The following SLC14A2 variants were observed in gnomAD, a reference collection of about 807,000 sequenced individuals.
The protein encoded by SLC14A2 is solute carrier family 14 member 2, also known as urea transporter 2.
A neutral mutation model predicts 104.6 loss-of-function variants in SLC14A2; 91 were observed. The observed-to-expected ratio is 0.87, with a 90% confidence interval of 0.73 to 1.04. The LOEUF is 1.04. SLC14A2 is among the 50% of genes least tolerant of loss of function. The probability of loss-of-function intolerance (pLI) is 0.00; values close to 1 mark genes in which losing one functional copy is unlikely to be tolerated. For missense variants in SLC14A2, 1,189 were observed against 1,156.0 expected, an observed-to-expected ratio of 1.03 and a Z score of -0.41; for synonymous variants, 476 against 466.4, an observed-to-expected ratio of 1.02 and a Z score of -0.27.
At chr18:45,229,495 C>T (rs755097764) in intron 1 of SLC14A2, among the ~76,000 whole-genome samples, 1 of 152,106 alleles carries the variant, frequency 6.6e-6, no homozygotes, top group Non-Finnish European at 1.5e-5. Flanking sequence ...CAGGCGAGAG[C>T]TAAACAAGTT....
At chr18:45,385,670 T>C (rs1175558934) in intron 1 of SLC14A2, among the ~76,000 whole-genome samples, 3 of 152,176 alleles carry the variant, frequency 2.0e-5, no homozygotes, top group Non-Finnish European at 4.4e-5. Context: ...AGAACTGAGG[T>C]GTAAGTGACT....
At chr18:45,470,200 A>G (rs1007273093) in intron 1 of SLC14A2, among the ~76,000 whole-genome samples, 1 of 152,086 alleles carries the variant, frequency 6.6e-6, no homozygotes, top group South Asian at 2.1e-4. Context: ...TAAAGTTTCT[A>G]TCTTTGTGTC....
intron 1 of SLC14A2, among the ~76,000 whole-genome samples, chr18:45,240,649 TGTTTTTG>T (rs1375301439): frequency 0.017 from 2,558 of 149,374 alleles, 49 homozygotes; most frequent in African/African-American, 0.061. Flanking sequence ...TTGTTTTTTT[TGTTTTTG>T]TTTTTGGTTT....
rs187137134 is a variant in SLC14A2 at position 45,292,494 on chromosome 18, G to T, written c.-125+79303G>T. On this transcript the variant is annotated intron_variant, in intron 1 of 20. Coordinates refer to the SLC14A2 transcript ENST00000586448. ...CGGGAATATTTCAGTGGTATTAGTGGAGCCTTTTCATTTACATAATTTAGG... is the reference window on the plus strand; with the variant it reads ...CGGGAATATTTCAGTGGTATTAGTGTAGCCTTTTCATTTACATAATTTAGG... Among the ~76,000 whole-genome samples the T allele has an allele frequency of 2.6e-5, 4 of 152,250 alleles. No individual in the cohort carries two copies. In the East Asian group the frequency reaches 7.7e-4, roughly 29 times the overall value.
At chr18:45,550,836 A>G (rs1187222266) in intron 2 of SLC14A2, among the ~76,000 whole-genome samples, 1 of 152,192 alleles carries the variant, frequency 6.6e-6, no homozygotes, top group East Asian at 1.9e-4. Context: ...CAAGATCAAC[A>G]TAGTCCCAGT....
chr18:45,302,086 G>C (rs2084973923), intron 1 of SLC14A2, among the ~76,000 whole-genome samples: 3 of 152,188 alleles, frequency 2.0e-5, no homozygotes, highest in Admixed American at 6.5e-5. Context: ...ATCATCATCT[G>C]TGTTGAAGTC....
chr18:45,389,254 C>T (rs2085934435), intron 1 of SLC14A2, among the ~76,000 whole-genome samples: 1 of 152,182 alleles, frequency 6.6e-6, no homozygotes, highest in Admixed American at 6.5e-5. Context: ...GACAAGTTTG[C>T]GACTTGTTTT....
chr18:45,169,617 TATG>T, the SLC14A2 span, among the ~76,000 whole-genome samples: 1 of 152,178 alleles, frequency 6.6e-6, no homozygotes. Context: ...TATAATGAGA[TATG>T]ATGATATTCT....
intron 1 of SLC14A2, among the ~76,000 whole-genome samples, chr18:45,297,352 C>T (rs1333368125): frequency 2.0e-5 from 3 of 152,220 alleles, no homozygotes; most frequent in Non-Finnish European, 4.4e-5. Flanking sequence ...AATGACAGAG[C>T]TGGCATCAAA....
At chr18:45,187,927 A>G in the SLC14A2 span, among the ~76,000 whole-genome samples, 1 of 152,152 alleles carries the variant, frequency 6.6e-6, no homozygotes, top group Admixed American at 6.6e-5. Flanking sequence ...TAAACAGTCC[A>G]TGAAATAGTA....
chr18:45,341,595 C>CTTTTT (rs376534367), intron 1 of SLC14A2, among the ~76,000 whole-genome samples: 1 of 83,162 alleles, frequency 1.2e-5, no homozygotes, highest in Non-Finnish European at 2.3e-5. Flanking sequence ...TCTAGTATTA[C>CTTTTT]TTTTTTTTTT....
At chr18:45,508,354 G>T (rs1351010246) in intron 2 of SLC14A2, among the ~76,000 whole-genome samples, 10 of 152,190 alleles carry the variant, frequency 6.6e-5, no homozygotes, top group Non-Finnish European at 1.5e-4. Flanking sequence ...TAAATCATGA[G>T]AGCAGGTCTT....
At chr18:45,376,159 C>T (rs924596027) in intron 1 of SLC14A2, among the ~76,000 whole-genome samples, 2 of 152,140 alleles carry the variant, frequency 1.3e-5, no homozygotes, top group African/African-American at 4.8e-5. Flanking sequence ...CTGGAGTTAA[C>T]CTCACTTCTA....
In SLC14A2 at chr18:45,639,859, T is replaced by G; in HGVS notation, c.957T>G (p.His319Gln). ...LFISSPLICL[H>Q]AAIGSIVGLL... ...TCTCCTCGCCACTCATCTGCTTGCATGCAGCCATTGGCTCAATCGTGGGGC... is the reference window on the plus strand; with the variant it reads ...TCTCCTCGCCACTCATCTGCTTGCAGGCAGCCATTGGCTCAATCGTGGGGC... The change falls in exon 7 of 20, where the codon CAT becomes CAG. Residue 319 changes from histidine to glutamine, a missense_variant. Transcript: ENST00000255226. 1 of 1,613,840 alleles carries G rather than the reference T, an allele frequency of 6.2e-7. No homozygotes were observed. Among genetic ancestry groups the G allele is most frequent in the Non-Finnish European group, 8.5e-7 (1 of 1,180,008 alleles).
chr18:45,273,108 C>T (rs530128420), intron 1 of SLC14A2, among the ~76,000 whole-genome samples: 6 of 152,166 alleles, frequency 3.9e-5, no homozygotes, highest in Admixed American at 2.0e-4. Context: ...TCAGATGGAT[C>T]GAGGTGTCCC....
chr18:45,258,289 C>T (rs1599620312), intron 1 of SLC14A2, among the ~76,000 whole-genome samples: 2 of 142,176 alleles, frequency 1.4e-5, no homozygotes, highest in East Asian at 4.0e-4. Flanking sequence ...GGACATAGTG[C>T]CCAGGAGCCT....
intron 15 of SLC14A2, among the ~76,000 whole-genome samples, chr18:45,668,739 G>A (rs1354111888): frequency 1.3e-5 from 2 of 152,220 alleles, no homozygotes; most frequent in Non-Finnish European, 2.9e-5. Flanking sequence ...AGAGTGCAGA[G>A]AAAGAAACTG....
Position 45,663,790 on chromosome 18 carries a change from G to C in SLC14A2, c.1357G>C (p.Gly453Arg). ...GEEEKAPSGG[G>R]GEHPPTAGPK... The stretch of plus-strand genomic sequence containing the variant: ...CTTGTTTTGCCCCTGGCTAGGAGGC[G>C]GTGGGGAGCATCCACCCACAGCAGG... The change falls in exon 11 of 20, where the codon GGT becomes CGT. Residue 453 changes from glycine to arginine, a missense_variant. Coordinates refer to ENST00000255226, the MANE Select transcript of SLC14A2 (RefSeq NM_007163.4). 1.2e-6 allele frequency: 2 copies of C among 1,612,322 alleles called. No individual in the cohort carries two copies. The highest frequency in any genetic ancestry group is 1.7e-6 in the Non-Finnish European group (2 of 1,179,754).
intron 1 of SLC14A2, among the ~76,000 whole-genome samples, chr18:45,332,989 A>T (rs1351881053): frequency 6.6e-6 from 1 of 152,200 alleles, no homozygotes; most frequent in Non-Finnish European, 1.5e-5. Context: ...ATTCATAAAA[A>T]TGCAGCTGGG....
Sources: gnomAD v4.1 joint callset for allele counts (sites outside exome capture counted in the v4.1 genomes callset) on GRCh38, gnomAD v4.1.1 for gene constraint, MANE v1.5 for transcripts, NCBI Gene and HGNC (gene_info 2026-07-23, HGNC 2026-07-21) for gene names.